The following OR9Q1 variants were observed in gnomAD, a reference collection of about 807,000 sequenced individuals.
OR9Q1 encodes the protein olfactory receptor 9Q1.
For missense variants in OR9Q1, 374 were observed against 378.8 expected (o/e 0.99, Z 0.11); for synonymous variants, 153 against 148.6 (o/e 1.03, Z -0.22).
At position 58,179,911 on chromosome 11, in the gene OR9Q1, C is replaced by T. The variant is rs376251325; in HGVS notation, c.467C>T (p.Ala156Val). Residue 156 changes from alanine (A) to valine (V), a missense_variant, in exon 3 of 3, where the codon GCC (alanine) becomes GTC (valine). Coordinates refer to ENST00000335397, the MANE Select transcript of OR9Q1 (RefSeq NM_001005212.4). ...AGAYVAGLISALVRTVSAFTL... is the reference protein window; with the variant it reads ...AGAYVAGLISVLVRTVSAFTL... ...GCTTACGTTGCTGGTCTCATCAGTG[C>T]CTTGGTGCGGACAGTCTCAGCCTTC... is the stretch of plus-strand genomic sequence containing the variant. 3 of 1,614,168 alleles carry T rather than the reference C, an allele frequency of 1.9e-6. No individual in the cohort carries two copies. Among genetic ancestry groups the T allele is most frequent in the Admixed American group, 3.3e-5 (2 of 60,020 alleles).
At chr11:58,057,124 GC>G (rs1409229768) in intron 2 of OR9Q1, among the ~76,000 whole-genome samples, 1 of 151,424 alleles carries the variant, frequency 6.6e-6, no homozygotes, top group African/African-American at 2.4e-5. Flanking sequence ...CTCCTGAGTA[GC>G]TGGGACTATA....
At chr11:58,170,859 T>C (rs561570080) in intron 2 of OR9Q1, among the ~76,000 whole-genome samples, 1 of 152,330 alleles carries the variant, frequency 6.6e-6, no homozygotes, top group African/African-American at 2.4e-5. Context: ...GTCTTAGGTA[T>C]GTCTTTATCA....
chr11:58,141,638 T>C (rs983710134), intron 2 of OR9Q1, among the ~76,000 whole-genome samples: 1 of 152,168 alleles, frequency 6.6e-6, no homozygotes, highest in Non-Finnish European at 1.5e-5. Flanking sequence ...TTATTGAGGA[T>C]TTTTGCATCA....
At chr11:58,131,074 C>T (rs1224715996) in intron 2 of OR9Q1, among the ~76,000 whole-genome samples, 1 of 152,154 alleles carries the variant, frequency 6.6e-6, no homozygotes, top group Admixed American at 6.5e-5. Context: ...ATGCTATAAA[C>T]ATCTCCCTGT....
At chr11:58,108,814 G>A (rs1853867604) in intron 2 of OR9Q1, 1 of 317,380 alleles carries the variant, frequency 3.2e-6, no homozygotes, top group Non-Finnish European at 6.3e-6. Flanking sequence ...GTTCAACATA[G>A]GGATGATTAC....
intron 2 of OR9Q1, among the ~76,000 whole-genome samples, chr11:58,177,154 T>A (rs940188485): frequency 6.6e-6 from 1 of 152,248 alleles, no homozygotes; most frequent in Non-Finnish European, 1.5e-5. Flanking sequence ...ACTACAACTC[T>A]GCCAAAGAAC....
At chr11:58,132,040 T>A (rs544070870) in intron 2 of OR9Q1, among the ~76,000 whole-genome samples, 1 of 152,298 alleles carries the variant, frequency 6.6e-6, no homozygotes, top group East Asian at 1.9e-4. Flanking sequence ...GTTTTATATG[T>A]ATCATCTTCT....
chr11:58,169,542 C>G (rs1392402134), intron 2 of OR9Q1, among the ~76,000 whole-genome samples: 1 of 152,032 alleles, frequency 6.6e-6, no homozygotes, highest in Non-Finnish European at 1.5e-5. Context: ...AGGTGTGCAA[C>G]AAAAATAACT....
In OR9Q1 at chr11:58,179,908, G is replaced by A. The variant is rs1488990069; in HGVS notation, c.464G>A (p.Ser155Asn). The change falls in exon 3 of 3, where the codon AGT (serine) becomes AAT (asparagine). Residue 155 changes from serine to asparagine, a missense_variant. Physicochemically the swap from Ser to Asn is conservative, Grantham distance 46. Transcript: ENST00000335397. ...VAGAYVAGLISALVRTVSAFT... is the reference protein window; with the variant it reads ...VAGAYVAGLINALVRTVSAFT... ...GGGGCTTACGTTGCTGGTCTCATCAGTGCCTTGGTGCGGACAGTCTCAGCC... is the reference window on the plus strand; with the variant it reads ...GGGGCTTACGTTGCTGGTCTCATCAATGCCTTGGTGCGGACAGTCTCAGCC... 6.2e-7 allele frequency: 1 copy of A among 1,614,202 alleles called. No individual in the cohort carries two copies. Among genetic ancestry groups the A allele is most frequent in the Non-Finnish European group, 8.5e-7 (1 of 1,180,032 alleles).
chr11:58,074,013 TG>T (rs1374781785), intron 2 of OR9Q1, among the ~76,000 whole-genome samples: 1 of 152,238 alleles, frequency 6.6e-6, no homozygotes, highest in Non-Finnish European at 1.5e-5. Context: ...TAGTAGTCCA[TG>T]GTGTATATGT....
In OR9Q1 at chr11:58,170,236, G is replaced by T. The variant is rs182452218; in HGVS notation, c.-14-9195G>T. ...AGACCCCCTCACTCAGGTTTGGGGG[G>T]TACTGGGACATTGACTCCTTCTTAA... On this transcript the variant is annotated intron_variant, in intron 2 of 2. Transcript: ENST00000335397. 1.1e-4 allele frequency among the ~76,000 whole-genome samples: 16 copies of T among 152,142 alleles called. No individual in the cohort carries two copies. The South Asian group carries it at 1.7e-3, about 16-fold the overall frequency.
At chr11:58,175,773 T>C (rs1359885266) in intron 2 of OR9Q1, among the ~76,000 whole-genome samples, 1 of 152,086 alleles carries the variant, frequency 6.6e-6, no homozygotes, top group Non-Finnish European at 1.5e-5. Context: ...GTTATCATAA[T>C]TGTCAAAGAG....
intron 1 of OR9Q1, among the ~76,000 whole-genome samples, chr11:58,024,932 G>C (rs1156989143): frequency 1.3e-5 from 2 of 152,096 alleles, no homozygotes; most frequent in Non-Finnish European, 2.9e-5. Context: ...AAAATGGCAC[G>C]GTGTGGAGGC....
At chr11:58,177,235 TTTAA>T (rs1270973776) in intron 2 of OR9Q1, among the ~76,000 whole-genome samples, 1 of 152,250 alleles carries the variant, frequency 6.6e-6, no homozygotes, top group Non-Finnish European at 1.5e-5. Context: ...TTTATGTTTG[TTTAA>T]TTAATGATGG....
At chr11:58,093,562 C>T (rs565685862) in intron 2 of OR9Q1, among the ~76,000 whole-genome samples, 3 of 151,930 alleles carry the variant, frequency 2.0e-5, no homozygotes, top group African/African-American at 4.8e-5. Context: ...AGATTGAGAC[C>T]GTACTGGCTA....
At chr11:58,139,409 AT>A (rs945224408) in intron 2 of OR9Q1, among the ~76,000 whole-genome samples, 3 of 151,952 alleles carry the variant, frequency 2.0e-5, no homozygotes, top group African/African-American at 7.3e-5. Context: ...CATTAGGTAT[AT>A]CTCCTAATGC....
At chr11:58,034,941 C>T (rs1351737963) in intron 1 of OR9Q1, among the ~76,000 whole-genome samples, 1 of 151,708 alleles carries the variant, frequency 6.6e-6, no homozygotes, top group African/African-American at 2.4e-5. Context: ...AATCCTGCCA[C>T]CTCGGCCTCC....
intron 1 of OR9Q1, among the ~76,000 whole-genome samples, chr11:58,042,105 C>T (rs1853170576): frequency 6.6e-6 from 1 of 152,132 alleles, no homozygotes; most frequent in Non-Finnish European, 1.5e-5. Flanking sequence ...TCTTTTTAAA[C>T]CGTGCTACCC....
chr11:58,144,297 C>A (rs1489230148), intron 2 of OR9Q1, among the ~76,000 whole-genome samples: 1 of 149,718 alleles, frequency 6.7e-6, no homozygotes, highest in Non-Finnish European at 1.5e-5. Context: ...TTTGTCCTTG[C>A]GATAGTTTGC....
Sources: gnomAD v4.1 joint callset for allele counts (sites outside exome capture counted in the v4.1 genomes callset) on GRCh38, gnomAD v4.1.1 for gene constraint, MANE v1.5 for transcripts, NCBI Gene and HGNC (gene_info 2026-07-23, HGNC 2026-07-21) for gene names.